Variants in MACROD2 observed in about 807,000 individuals in gnomAD.
The protein encoded by MACROD2 is mono-ADP ribosylhydrolase 2, also known as ADP-ribose glycohydrolase MACROD2.
A neutral mutation model predicts 70.4 loss-of-function variants in MACROD2; 36 were observed. The observed-to-expected ratio is 0.51, with a 90% confidence interval of 0.39 to 0.68. The LOEUF is 0.68. MACROD2 is among the 30% of genes least tolerant of loss of function. MACROD2 has a pLI of 0.00. For synonymous variants in MACROD2, 172 were observed against 178.8 expected, an observed-to-expected ratio of 0.96 and a Z score of 0.30; for missense variants, 496 against 538.4, an observed-to-expected ratio of 0.92 and a Z score of 0.78.
chr20:14,641,891 A>G (rs1480425072), intron 4 of MACROD2, among the ~76,000 whole-genome samples: 1 of 152,158 alleles, frequency 6.6e-6, no homozygotes, highest in Non-Finnish European at 1.5e-5. Context: ...ACTGGCTTCA[A>G]TTTAAAATCA....
chr20:15,890,727 A>G (rs1305470270), intron 10 of MACROD2, among the ~76,000 whole-genome samples: 1 of 152,140 alleles, frequency 6.6e-6, no homozygotes, highest in Non-Finnish European at 1.5e-5. Flanking sequence ...TAGCACATCT[A>G]TCAAATGTGG....
At chr20:15,345,527 T>C (rs182543608) in intron 6 of MACROD2, among the ~76,000 whole-genome samples, 1 of 152,300 alleles carries the variant, frequency 6.6e-6, no homozygotes, top group Non-Finnish European at 1.5e-5. Flanking sequence ...CCCTTTGACA[T>C]TTCATTTCCA....
intron 3 of MACROD2, among the ~76,000 whole-genome samples, chr20:14,124,867 A>AT (rs1308587016): frequency 1.3e-5 from 2 of 152,194 alleles, no homozygotes; most frequent in Non-Finnish European, 2.9e-5. Flanking sequence ...CCATAGCAGC[A>AT]TTTTTTGTCA....
At chr20:15,303,290 C>T (rs1358085214) in intron 6 of MACROD2, among the ~76,000 whole-genome samples, 1 of 152,176 alleles carries the variant, frequency 6.6e-6, no homozygotes, top group African/African-American at 2.4e-5. Context: ...CAATACCTTG[C>T]TGGACCCCAC....
chr20:14,696,441 A>T (rs2071127449), intron 5 of MACROD2, among the ~76,000 whole-genome samples: 2 of 152,138 alleles, frequency 1.3e-5, no homozygotes, highest in Non-Finnish European at 2.9e-5. Flanking sequence ...AGTGAAGCAG[A>T]GGTAACTTCT....
In MACROD2 at chr20:14,835,019, T is replaced by G. The variant is rs573506968; in HGVS notation, c.418+150060T>G. On this transcript the variant is annotated intron_variant, in intron 5 of 17. Coordinates refer to ENST00000684519, the MANE Select transcript of MACROD2 (RefSeq NM_001351661.2). ...AGTGAATGATTGAGAAACAGATAGA[T>G]TCATCAAAGCTGACTCTCCCCTTTA... 1.4e-4 allele frequency among the ~76,000 whole-genome samples: 22 copies of G among 152,116 alleles called. No individual in the cohort carries two copies. In the South Asian group the frequency reaches 4.6e-3, roughly 32 times the overall value.
intron 8 of MACROD2, among the ~76,000 whole-genome samples, chr20:15,599,263 A>AGG (rs2048786597): frequency 6.6e-6 from 1 of 151,800 alleles, no homozygotes; most frequent in Non-Finnish European, 1.5e-5. Context: ...ATGGTGGAGC[A>AGG]CGCCTGTAGT....
At chr20:14,028,839 T>C (rs1282328661) in intron 2 of MACROD2, among the ~76,000 whole-genome samples, 1 of 152,168 alleles carries the variant, frequency 6.6e-6, no homozygotes, top group African/African-American at 2.4e-5. Flanking sequence ...ACCGGAGCTG[T>C]TCCTATTCGG....
At chr20:15,090,434 G>GT (rs1247783640) in intron 5 of MACROD2, among the ~76,000 whole-genome samples, 5 of 152,126 alleles carry the variant, frequency 3.3e-5, no homozygotes, top group Admixed American at 3.3e-4. Flanking sequence ...CAGAGCCTAT[G>GT]TTTTCTTCTA....
At chr20:14,971,545 G>A (rs1781660275) in intron 5 of MACROD2, among the ~76,000 whole-genome samples, 2 of 152,018 alleles carry the variant, frequency 1.3e-5, no homozygotes, top group Admixed American at 1.3e-4. Flanking sequence ...GAATCCAGGG[G>A]CTTAAAATAA....
intron 3 of MACROD2, among the ~76,000 whole-genome samples, chr20:14,376,476 A>G (rs904844466): frequency 6.6e-6 from 1 of 152,138 alleles, no homozygotes; most frequent in Non-Finnish European, 1.5e-5. Context: ...GGATGGGTGT[A>G]GTGGCTTATG....
At chr20:14,703,801 A>T (rs558222072) in intron 5 of MACROD2, among the ~76,000 whole-genome samples, 1 of 152,124 alleles carries the variant, frequency 6.6e-6, no homozygotes, top group East Asian at 1.9e-4. Context: ...ATCTCGGCTC[A>T]CTGCAACCTC....
chr20:14,164,783 G>T (rs2055242861), intron 3 of MACROD2, among the ~76,000 whole-genome samples: 1 of 152,160 alleles, frequency 6.6e-6, no homozygotes, highest in African/African-American at 2.4e-5. Context: ...GAATCTTCAG[G>T]TGGGGTTTGA....
intron 4 of MACROD2, among the ~76,000 whole-genome samples, chr20:14,547,891 C>T (rs1428138457): frequency 6.6e-6 from 1 of 152,120 alleles, no homozygotes; most frequent in Non-Finnish European, 1.5e-5. Context: ...AATCATCCTG[C>T]AGTCTCGTGT....
intron 5 of MACROD2, among the ~76,000 whole-genome samples, chr20:15,193,020 G>A (rs1417680195): frequency 6.6e-6 from 1 of 152,166 alleles, no homozygotes; most frequent in Non-Finnish European, 1.5e-5. Context: ...TGGCCTGGTT[G>A]AAAGTTGGTG....
At chr20:15,690,143 A>G (rs986875048) in intron 8 of MACROD2, among the ~76,000 whole-genome samples, 7 of 152,198 alleles carry the variant, frequency 4.6e-5, no homozygotes, top group Non-Finnish European at 7.3e-5. Context: ...AGACAGGGAG[A>G]ATGGATATAA....
At chr20:15,233,586 GA>G (rs545147736) in intron 6 of MACROD2, among the ~76,000 whole-genome samples, 1 of 151,884 alleles carries the variant, frequency 6.6e-6, no homozygotes, top group East Asian at 1.9e-4. Context: ...TAACTTAGGG[GA>G]AAAAATTCAT....
intron 6 of MACROD2, among the ~76,000 whole-genome samples, chr20:15,276,037 G>C (rs752815643): frequency 1.3e-5 from 2 of 152,174 alleles, no homozygotes; most frequent in Non-Finnish European, 2.9e-5. Context: ...ATCAGAAATT[G>C]AGGAGGTGGG....
At chr20:14,862,222 AAT>A (rs1238404189) in intron 5 of MACROD2, among the ~76,000 whole-genome samples, 3 of 30,280 alleles carry the variant, frequency 9.9e-5, no homozygotes, top group African/African-American at 3.5e-4. Flanking sequence ...TATATATATA[AAT>A]ATATATAAAT....
Sources: gnomAD v4.1 joint callset for allele counts (sites outside exome capture counted in the v4.1 genomes callset) on GRCh38, gnomAD v4.1.1 for gene constraint, MANE v1.5 for transcripts, NCBI Gene and HGNC (gene_info 2026-07-23, HGNC 2026-07-21) for gene names.